Variants in ZFHX3 observed in about 807,000 individuals in gnomAD.
The protein encoded by ZFHX3 is zinc finger homeobox 3.
A neutral mutation model predicts 279.1 loss-of-function variants in ZFHX3; 42 were observed. That is an observed-to-expected ratio of 0.15 (90% CI 0.12 to 0.19). The LOEUF is 0.19. ZFHX3 is among the 10% of genes least tolerant of loss of function. The probability of loss-of-function intolerance (pLI) is 1.00; values close to 1 mark genes in which losing one functional copy is unlikely to be tolerated. For synonymous variants in ZFHX3, 2,293 were observed against 1,957.8 expected, an observed-to-expected ratio of 1.17 and a Z score of -4.52; for missense variants, 4,981 against 4,754.0, an observed-to-expected ratio of 1.05 and a Z score of -1.40.
Position 73,105,430 on chromosome 16 carries a change from TATACAC to T in ZFHX3, c.-896-11838_-896-11833del, listed in dbSNP as rs1272700116. Among the ~76,000 whole-genome samples the T allele has an allele frequency of 2.1e-3, 226 of 107,320 alleles. 3 individuals carry two copies. Among genetic ancestry groups the T allele is most frequent in the African/African-American group, 8.5e-4 (16 of 18,816 alleles). 70.4% of individuals were successfully genotyped at this position (107,320 alleles called of 152,430 possible). A position where few individuals can be genotyped will look rare whatever the true frequency, so the allele number is the denominator to read the frequency against. ...ATATACACACACACATATATATATA[TATACAC>T]ACACACACATATATATATATATTTT... On this transcript the variant is annotated intron_variant, in intron 7 of 17. Transcript: ENST00000641206.
chr16:73,811,811 C>T (rs961921331), intron 1 of ZFHX3, among the ~76,000 whole-genome samples: 2 of 152,110 alleles, frequency 1.3e-5, no homozygotes, highest in Admixed American at 6.5e-5. Context: ...TGTTGTGATG[C>T]TATCTTTTGG....
At chr16:73,056,304 T>G (rs1965554864) in intron 1 of ZFHX3, among the ~76,000 whole-genome samples, 1 of 152,156 alleles carries the variant, frequency 6.6e-6, no homozygotes, top group Admixed American at 6.5e-5. Context: ...ACACAGCAAC[T>G]CATACTTTTG....
rs557116372 is a variant in ZFHX3, at chr16:73,311,919, T to C, written c.-1194+6321A>G. The stretch of plus-strand genomic sequence containing the variant: ...GGTGTGAGTCAATGGAAGCTCAAAA[T>C]CAAACAGAAGAGAACTGATGAGGTT... On this transcript the variant is annotated intron_variant, in intron 4 of 17. Coordinates refer to the ZFHX3 transcript ENST00000641206. Among the ~76,000 whole-genome samples, 4 of 152,188 alleles carry C rather than the reference T, an allele frequency of 2.6e-5. No individual in the cohort carries two copies. In the South Asian group the frequency reaches 8.3e-4, roughly 32 times the overall value.
intron 2 of ZFHX3, among the ~76,000 whole-genome samples, chr16:73,618,757 G>C (rs564781941): frequency 6.6e-6 from 1 of 152,162 alleles, no homozygotes; most frequent in South Asian, 2.1e-4. Context: ...CCTAAACTAA[G>C]GATGACCCCA....
chr16:73,292,196 A>G (rs2014789498), intron 4 of ZFHX3, among the ~76,000 whole-genome samples: 1 of 152,220 alleles, frequency 6.6e-6, no homozygotes, highest in Non-Finnish European at 1.5e-5. Flanking sequence ...ATTTATTATT[A>G]ACAAGAGAAA....
At chr16:73,503,032 G>T (rs2019266309) in intron 2 of ZFHX3, among the ~76,000 whole-genome samples, 1 of 152,212 alleles carries the variant, frequency 6.6e-6, no homozygotes, top group African/African-American at 2.4e-5. Flanking sequence ...CCATTATGTT[G>T]TGCTCACTCG....
At position 72,937,514 on chromosome 16, in the gene ZFHX3, G is replaced by A. The variant is rs1249590309; in HGVS notation, c.3216+12955C>T. On this transcript the variant is annotated intron_variant, in intron 3 of 9. Coordinates refer to ENST00000268489, the MANE Select transcript of ZFHX3 (RefSeq NM_006885.4). ...GGATCCAGCAACTGGGAGGGGACATGGTGAGTCAACTCCCAGAGTGGGCAT... is the reference window on the plus strand; with the variant it reads ...GGATCCAGCAACTGGGAGGGGACATAGTGAGTCAACTCCCAGAGTGGGCAT... 2.6e-5 allele frequency among the ~76,000 whole-genome samples: 4 copies of A among 152,230 alleles called. No individual in the cohort carries two copies. In the East Asian group the frequency reaches 7.7e-4, roughly 29 times the overall value.
At chr16:72,920,680 A>T (rs984808852) in intron 3 of ZFHX3, among the ~76,000 whole-genome samples, 16 of 149,122 alleles carry the variant, frequency 1.1e-4, no homozygotes, top group Middle Eastern at 6.8e-3. Context: ...CAAAAAAAAA[A>T]TTAAAAAAAA....
chr16:73,645,529 C>A (rs1307852625), intron 2 of ZFHX3, among the ~76,000 whole-genome samples: 4 of 152,092 alleles, frequency 2.6e-5, no homozygotes, highest in African/African-American at 9.7e-5. Context: ...GTGTAAAGGA[C>A]CATCTTTAAC....
chr16:73,820,590 CAT>C (rs1960710925), intron 1 of ZFHX3, among the ~76,000 whole-genome samples: 1 of 152,080 alleles, frequency 6.6e-6, no homozygotes, highest in Non-Finnish European at 1.5e-5. Context: ...CAAACCCACA[CAT>C]GAGTCCAGCT....
At chr16:73,478,849 G>C (rs1187250017) in intron 2 of ZFHX3, among the ~76,000 whole-genome samples, 1 of 152,070 alleles carries the variant, frequency 6.6e-6, no homozygotes, top group East Asian at 1.9e-4. Context: ...TCAGGAGTTC[G>C]AGACCAGCCT....
intron 3 of ZFHX3, among the ~76,000 whole-genome samples, chr16:73,324,503 C>T (rs1027426603): frequency 3.3e-5 from 5 of 152,156 alleles, no homozygotes; most frequent in Admixed American, 6.5e-5. Flanking sequence ...GTAGTTTTCA[C>T]AAAGCAAACT....
At chr16:73,503,447 T>A (rs1344092045) in intron 2 of ZFHX3, among the ~76,000 whole-genome samples, 2 of 152,160 alleles carry the variant, frequency 1.3e-5, no homozygotes, top group Non-Finnish European at 2.9e-5. Context: ...GAGACCTGCC[T>A]GCAAAAGGAG....
In ZFHX3 at chr16:73,530,729, G is replaced by T. The variant is rs565926205; in HGVS notation, c.-1546-74471C>A. On this transcript the variant is annotated intron_variant, in intron 2 of 17. Coordinates refer to the ZFHX3 transcript ENST00000641206. Reference sequence around the variant, plus strand: ...GGTGCTGTCTTTTATACATTTTGCTGTCCATGCACTTTTCACACTGCAACA... The same window carrying T: ...GGTGCTGTCTTTTATACATTTTGCTTTCCATGCACTTTTCACACTGCAACA... Among the ~76,000 whole-genome samples, 21 of 152,272 alleles carry T rather than the reference G, an allele frequency of 1.4e-4. No individual in the cohort carries two copies. The East Asian group carries it at 3.7e-3, about 27-fold the overall frequency.
chr16:73,869,808 C>A (rs1442916016), intron 1 of ZFHX3, among the ~76,000 whole-genome samples: 1 of 152,166 alleles, frequency 6.6e-6, no homozygotes, highest in African/African-American at 2.4e-5. Flanking sequence ...AACCGGGCTT[C>A]CTGTTTATTT....
chr16:73,035,094 G>A (rs901283551), intron 1 of ZFHX3, among the ~76,000 whole-genome samples: 3 of 152,140 alleles, frequency 2.0e-5, no homozygotes, highest in Admixed American at 6.5e-5. Flanking sequence ...TGTGACATGT[G>A]GCTTGTCTCG....
chr16:73,504,692 GC>G (rs767647160), intron 2 of ZFHX3: 14 of 152,248 alleles, frequency 9.2e-5, no homozygotes, highest in Non-Finnish European at 1.9e-4. Flanking sequence ...AGGAGAGTCC[GC>G]ATGGGTTCAT....
chr16:73,174,692 C>T (rs550997690), intron 5 of ZFHX3, among the ~76,000 whole-genome samples: 85 of 152,096 alleles, frequency 5.6e-4, no homozygotes, highest in African/African-American at 2.0e-3. Flanking sequence ...GCAGTCCGCT[C>T]ATCAATGAGC....
chr16:73,787,611 GTT>G (rs1394600330), intron 1 of ZFHX3, among the ~76,000 whole-genome samples: 1 of 152,154 alleles, frequency 6.6e-6, no homozygotes, highest in Non-Finnish European at 1.5e-5. Context: ...AGGGAAATAA[GTT>G]TCATGTAGCT....
Sources: gnomAD v4.1 joint callset for allele counts (sites outside exome capture counted in the v4.1 genomes callset) on GRCh38, gnomAD v4.1.1 for gene constraint, MANE v1.5 for transcripts, NCBI Gene and HGNC (gene_info 2026-07-23, HGNC 2026-07-21) for gene names.